Variants in MAPKAP1 observed in about 807,000 individuals in gnomAD.
MAPKAP1 encodes the protein target of rapamycin complex 2 subunit MAPKAP1.
In MAPKAP1, 20 loss-of-function variants were observed where a neutral mutation model predicts 65.7. The observed-to-expected ratio is 0.30, with a 90% confidence interval of 0.21 to 0.44. MAPKAP1 has a LOEUF of 0.44. Ranked by LOEUF, MAPKAP1 falls within the 20% of genes least tolerant of loss-of-function variation. The pLI, the probability that MAPKAP1 is intolerant of heterozygous loss-of-function variation, is 1.00. For synonymous variants in MAPKAP1, 222 were observed against 244.3 expected, an observed-to-expected ratio of 0.91 and a Z score of 0.85; for missense variants, 423 against 648.0, an observed-to-expected ratio of 0.65 and a Z score of 3.77.
chr9:125,653,366 A>C (rs1271129007), intron 4 of MAPKAP1, among the ~76,000 whole-genome samples: 2 of 152,228 alleles, frequency 1.3e-5, no homozygotes, highest in Non-Finnish European at 2.9e-5. Context: ...CGAAAAGTGG[A>C]AAGTCATGTG....
At chr9:125,496,327 A>T (rs1451131702) in intron 8 of MAPKAP1, among the ~76,000 whole-genome samples, 2 of 152,248 alleles carry the variant, frequency 1.3e-5, no homozygotes, top group Non-Finnish European at 2.9e-5. Context: ...CACCCTACAG[A>T]AAATTCCTTA....
intron 9 of MAPKAP1, among the ~76,000 whole-genome samples, chr9:125,473,446 C>T (rs1043903889): frequency 2.0e-5 from 3 of 152,292 alleles, no homozygotes; most frequent in Admixed American, 1.3e-4. Flanking sequence ...CAAACTATCA[C>T]ACCAACTGTC....
At chr9:125,449,509 T>C (rs1168514146) in intron 10 of MAPKAP1, among the ~76,000 whole-genome samples, 1 of 152,228 alleles carries the variant, frequency 6.6e-6, no homozygotes, top group Non-Finnish European at 1.5e-5. Context: ...ACTGGTCACA[T>C]GCTCAGGGCA....
At chr9:125,513,567 T>C (rs190172404) in intron 7 of MAPKAP1, among the ~76,000 whole-genome samples, 17 of 152,312 alleles carry the variant, frequency 1.1e-4, no homozygotes, top group Admixed American at 1.1e-3. Context: ...GAATTTAAAC[T>C]CATCTGTAAA....
intron 1 of MAPKAP1, among the ~76,000 whole-genome samples, chr9:125,700,430 C>T (rs1270682299): frequency 6.6e-6 from 1 of 152,140 alleles, no homozygotes; most frequent in Non-Finnish European, 1.5e-5. Context: ...AAGAATCTAA[C>T]ACTGCTTATA....
intron 4 of MAPKAP1, among the ~76,000 whole-genome samples, chr9:125,591,066 G>A (rs1306055564): frequency 5.3e-5 from 8 of 152,146 alleles, no homozygotes; most frequent in Non-Finnish European, 1.0e-4. Flanking sequence ...GAGTGACTGC[G>A]ACCTGGCGTA....
chr9:125,653,485 C>T (rs73667028), intron 4 of MAPKAP1, among the ~76,000 whole-genome samples: 4,049 of 152,250 alleles, frequency 0.027, 184 homozygotes, highest in African/African-American at 0.093. Flanking sequence ...CTCCTTTCCT[C>T]CAGGCAGAGG....
intron 9 of MAPKAP1, among the ~76,000 whole-genome samples, chr9:125,484,130 A>G (rs747714457): frequency 4.6e-5 from 7 of 152,226 alleles, no homozygotes; most frequent in Non-Finnish European, 1.0e-4. Context: ...ACCGTCACAA[A>G]GCAGTTCTAA....
rs149125212 is a variant in MAPKAP1 at position 125,554,444 on chromosome 9, C to T, written c.848+5189G>A. On this transcript the variant is annotated intron_variant, in intron 6 of 11. Transcript: ENST00000265960. ...CTTTCAGTTTTGAAACAGGGAGAGTCCTGGACAAACCATCACAAACTGATC... is the reference window on the plus strand; with the variant it reads ...CTTTCAGTTTTGAAACAGGGAGAGTTCTGGACAAACCATCACAAACTGATC... 4.6e-5 allele frequency among the ~76,000 whole-genome samples: 7 copies of T among 152,282 alleles called. No homozygotes were observed. In the South Asian group the frequency reaches 8.3e-4, roughly 18 times the overall value.
At chr9:125,653,479 T>C (rs1353193962) in intron 4 of MAPKAP1, among the ~76,000 whole-genome samples, 2 of 152,204 alleles carry the variant, frequency 1.3e-5, no homozygotes, top group African/African-American at 4.8e-5. Context: ...AGGATGCTCC[T>C]TTCCTCCAGG....
intron 1 of MAPKAP1, among the ~76,000 whole-genome samples, chr9:125,700,276 T>C (rs886707818): frequency 2.0e-5 from 3 of 152,226 alleles, no homozygotes; most frequent in Admixed American, 6.5e-5. Flanking sequence ...TCTGCTGAAA[T>C]GGTACTTATT....
intron 4 of MAPKAP1, among the ~76,000 whole-genome samples, chr9:125,623,704 T>TGG (rs1193823214): frequency 3.2e-4 from 2 of 6,308 alleles, no homozygotes; most frequent in Admixed American, 2.3e-3. Context: ...GGGAGGGAGG[T>TGG]GGGGGGGGGG....
intron 7 of MAPKAP1, among the ~76,000 whole-genome samples, chr9:125,535,855 T>C (rs1410822184): frequency 1.3e-5 from 2 of 152,188 alleles, no homozygotes; most frequent in Non-Finnish European, 2.9e-5. Context: ...TGTGTGTGTG[T>C]GTCTCCCATA....
chr9:125,552,921 T>C (rs775190759), intron 6 of MAPKAP1, among the ~76,000 whole-genome samples: 2 of 152,208 alleles, frequency 1.3e-5, no homozygotes, highest in Non-Finnish European at 2.9e-5. Context: ...AAAACAATTT[T>C]GATTTTAGTC....
chr9:125,470,198 G>A (rs1361651647), intron 9 of MAPKAP1, among the ~76,000 whole-genome samples: 1 of 152,046 alleles, frequency 6.6e-6, no homozygotes, highest in East Asian at 1.9e-4. Flanking sequence ...TAACTCCACT[G>A]GAAAATTATA....
chr9:125,611,864 A>G (rs1832609762), intron 4 of MAPKAP1, among the ~76,000 whole-genome samples: 1 of 152,220 alleles, frequency 6.6e-6, no homozygotes, highest in South Asian at 2.1e-4. Flanking sequence ...AACAGCAGGA[A>G]ATTCAAGCGT....
intron 7 of MAPKAP1, among the ~76,000 whole-genome samples, chr9:125,537,091 A>G (rs1830094851): frequency 6.6e-6 from 1 of 152,198 alleles, no homozygotes; most frequent in South Asian, 2.1e-4. Flanking sequence ...TAGGGTTCTA[A>G]TAAGCAACAT....
Position 125,490,000 on chromosome 9 carries a change from A to G in MAPKAP1, c.1067-5417T>C, listed in dbSNP as rs946421821. 2.0e-5 allele frequency among the ~76,000 whole-genome samples: 3 copies of G among 152,098 alleles called. No individual in the cohort carries two copies. In the South Asian group the frequency reaches 6.2e-4, roughly 32 times the overall value. On this transcript the variant is annotated intron_variant, in intron 8 of 11. Coordinates refer to ENST00000265960, the MANE Select transcript of MAPKAP1 (RefSeq NM_001006617.3). ...CCTTTCCCTTCCCTCAAGTGGTTAA[A>G]GGCTGCTCCTGCCCTGCCTACCTCA...
rs149285651 is a variant in MAPKAP1 at position 125,444,521 on chromosome 9, C to T, written c.1423G>A (p.Val475Ile). ...HLYFESDAAT[V>I]NEIVLKVNYI... ...CTCACCTTGAGCACAATTTCATTGA[C>T]GGTAGCAGCGTCCGATTCAAAGTAG... Residue 475 changes from valine to isoleucine, a missense_variant, in exon 11 of 12, where the codon GTC becomes ATC. Physicochemically the swap from Val to Ile is conservative, Grantham distance 29. Around this residue, in one of 6 missense-constraint regions of MAPKAP1, gnomAD observed 185 missense variants for 268.1 expected, o/e 0.69. Coordinates refer to ENST00000265960, the MANE Select transcript of MAPKAP1 (RefSeq NM_001006617.3). The T allele has an allele frequency of 6.4e-5, 104 of 1,613,330 alleles. No homozygotes were observed. Among genetic ancestry groups the T allele is most frequent in the South Asian group, 3.2e-4 (29 of 91,012 alleles).
Sources: allele counts gnomAD v4.1 joint callset (sites outside exome capture counted in the v4.1 genomes callset), GRCh38; gene constraint gnomAD v4.1.1; regional missense constraint gnomAD v4.1.1; transcripts MANE v1.5; gene names NCBI Gene and HGNC (gene_info 2026-07-23, HGNC 2026-07-21).